Variants in HNRNPK observed in about 807,000 individuals in gnomAD.
HNRNPK encodes the protein heterogeneous nuclear ribonucleoprotein K.
A neutral mutation model predicts 67.0 loss-of-function variants in HNRNPK; 7 were observed. The observed-to-expected ratio is 0.10, with a 90% CI of 0.06 to 0.20. HNRNPK has a LOEUF of 0.20. Ranked by LOEUF, HNRNPK falls within the 10% of genes least tolerant of loss-of-function variation. The probability of loss-of-function intolerance (pLI) is 1.00; values close to 1 mark genes in which losing one functional copy is unlikely to be tolerated. For synonymous variants in HNRNPK, 213 were observed against 193.7 expected, an observed-to-expected ratio of 1.10 and a Z score of -0.83; for missense variants, 264 against 606.5, an observed-to-expected ratio of 0.44 and a Z score of 5.93.
chr9:83,973,543 T>C, intron 8 of HNRNPK, 144 bp from the exon 9 acceptor site: 1 of 617,332 alleles, frequency 1.6e-6, no homozygotes, highest in Non-Finnish European at 2.9e-6. Flanking sequence ...TATGTGCTTA[T>C]TATCCTCAAT....
chr9:83,968,148 C>A lies in HNRNPK; in HGVS notation c.*1259G>T, dbSNP rs1237297449. ...AACAAATTTTACAGGTGTCAATCAA[C>A]CCTTGTTCAAATCGGGCACACATCA... On this transcript the variant is annotated 3_prime_UTR_variant, in exon 17 of 17. Transcript: ENST00000376263. 2.6e-5 allele frequency: 4 copies of A among 152,556 alleles called. No homozygotes were observed. Among genetic ancestry groups the A allele is most frequent in the African/African-American group, 9.7e-5 (4 of 41,438 alleles). 9.5% of individuals were successfully genotyped at this position (152,556 alleles called of 1,614,324 possible). A position where few individuals can be genotyped will look rare whatever the true frequency, so the allele number is the denominator to read the frequency against.
At chr9:83,975,923 T>A (rs1173070228) in intron 5 of HNRNPK, 1 of 173,664 alleles carries the variant, frequency 5.8e-6, no homozygotes, top group Non-Finnish European at 1.3e-5. Flanking sequence ...CAAACGATGT[T>A]TCAGTAGCAG....
intron 3 of HNRNPK, 62 bp from the exon 4 acceptor site, chr9:83,977,848 G>T: frequency 9.8e-7 from 1 of 1,016,134 alleles, no homozygotes; most frequent in Non-Finnish European, 1.5e-6. Context: ...ACTCCATTCT[G>T]TTTCAAGAGA....
At position 83,971,321 on chromosome 9, in the gene HNRNPK, T is replaced by C; in HGVS notation, c.1044A>G (p.Ala348=). ...GFSADETWDS[A]IDTWSPSEWQ... is the part of the protein sequence containing the mutation. ...ATTCTGATGGGCTCCATGTATCTAT[T>C]GCAGAGTCCCAAGTTTCATCAGCAC... Residue 348 remains alanine, a synonymous_variant, in exon 13 of 17, where the codon GCA becomes GCG. Transcript: ENST00000376263. The C allele has an allele frequency of 6.2e-7, 1 of 1,612,820 alleles. No homozygotes were observed. The highest frequency in any genetic ancestry group is 8.5e-7 in the Non-Finnish European group (1 of 1,178,776).
Position 83,972,958 on chromosome 9 carries a change from G to A in HNRNPK, c.531C>T (p.Thr177=), listed in dbSNP as rs1233200744. 11 of 1,607,028 alleles carry A rather than the reference G, an allele frequency of 6.8e-6. No homozygotes were observed. Among genetic ancestry groups the A allele is most frequent in the East Asian group, 4.5e-5 (2 of 44,806 alleles). ...IKELRENTQT[T]IKLFQECCPH... is the part of the protein sequence containing the mutation. ...GACAGCATTCCTGGAAAAGCTTGAT[G>A]GTGGTTTGAGTGTTCTGTAGTAAGA... The change falls in exon 10 of 17, where the codon ACC becomes ACT. Residue 177 remains threonine (T), a synonymous_variant. Coordinates refer to ENST00000376263, the MANE Select transcript of HNRNPK (RefSeq NM_031263.4).
At chr9:83,972,237 T>TGC in intron 10 of HNRNPK, 48 bp from the exon 11 acceptor site, 1 of 1,361,498 alleles carries the variant, frequency 7.3e-7, no homozygotes, top group Non-Finnish European at 1.0e-6. Context: ...AAAAGAGTCC[T>TGC]GCTTCATACC....
At chr9:83,977,118 T>TA (rs1168805198) in intron 4 of HNRNPK, 67 bp from the exon 5 acceptor site, 1 of 1,116,240 alleles carries the variant, frequency 9.0e-7, no homozygotes, top group Non-Finnish European at 1.4e-6. Flanking sequence ...CCTACGCTCT[T>TA]AGATTTTGCT....
Position 83,969,305 on chromosome 9 carries a change from G to C in HNRNPK, c.*102C>G. ...AATGTTGGCTTTTTAAACAGAAGCA[G>C]ATAAAAAAAAAAAGATGCAGGACTC... On this transcript the variant is annotated 3_prime_UTR_variant, in exon 17 of 17. Transcript: ENST00000376263. 1.3e-6 allele frequency: 1 copy of C among 777,302 alleles called. No homozygotes were observed. The highest frequency in any genetic ancestry group is 2.3e-6 in the Non-Finnish European group (1 of 441,584). The allele number at this position is 777,302 out of a possible 1,614,324, so 48.2% of individuals were successfully genotyped here. A position where few individuals can be genotyped will look rare whatever the true frequency, so the allele number is the denominator to read the frequency against.
intron 5 of HNRNPK, chr9:83,976,766 CTT>C (rs1302062428): frequency 1.0e-5 from 4 of 383,186 alleles, no homozygotes; most frequent in African/African-American, 2.1e-5. Flanking sequence ...TTGGTGGACT[CTT>C]ATTAAAATGT....
At position 83,974,556 on chromosome 9, in the gene HNRNPK, A is replaced by G. The variant is rs1163996659; in HGVS notation, c.291T>C (p.Ile97=). The G allele has an allele frequency of 2.5e-6, 4 of 1,603,600 alleles. No individual in the cohort carries two copies. Among genetic ancestry groups the G allele is most frequent in the Non-Finnish European group, 3.4e-6 (4 of 1,173,492 alleles). ...ILSISADIET[I]GEILKKIIPT... ...GGATGATTTTCTTCAGAATTTCTCC[A>G]ATTGTTTCAATATCAGCACTGATAC... Residue 97 remains isoleucine (I), a synonymous_variant, in exon 7 of 17, where the codon ATT becomes ATC. Transcript: ENST00000376263.
Position 83,979,315 on chromosome 9 carries a change from A to T in HNRNPK, c.-108+838T>A, listed in dbSNP as rs369595918. Among the ~76,000 whole-genome samples, 10 of 152,310 alleles carry T rather than the reference A, an allele frequency of 6.6e-5. No homozygotes were observed. In the South Asian group the frequency reaches 2.1e-3, roughly 32 times the overall value. The stretch of plus-strand genomic sequence containing the variant: ...CTCTCCTAACGACAACTGAAACGAC[A>T]TCCTTCCGGCCCAGCACGCAATTTC... On this transcript the variant is annotated intron_variant, in intron 1 of 16. Transcript: ENST00000376263.
intron 6 of HNRNPK, 95 bp downstream of exon 6, chr9:83,975,367 T>TAA: frequency 2.7e-6 from 3 of 1,109,996 alleles, no homozygotes; most frequent in Non-Finnish European, 4.1e-6. Context: ...ATACACCGTC[T>TAA]AAAGGGGATA....
chr9:83,976,778 TGAA>T (rs1957083382), intron 5 of HNRNPK: 4 of 399,424 alleles, frequency 1.0e-5, no homozygotes, highest in Non-Finnish European at 1.3e-5. Flanking sequence ...TATTAAAATG[TGAA>T]GAGGTTTGAA....
rs1357961172 is a variant in HNRNPK, at chr9:83,974,596, A to C, written c.258-7T>G. 4.4e-6 allele frequency: 7 copies of C among 1,592,092 alleles called. No individual in the cohort carries two copies. The South Asian group carries it at 7.8e-5, about 18-fold the overall frequency. On this transcript the variant is annotated splice_region_variant and splice_polypyrimidine_tract_variant and intron_variant, in intron 6 of 16. Coordinates refer to ENST00000376263, the MANE Select transcript of HNRNPK (RefSeq NM_031263.4). Reference sequence around the variant, plus strand: ...AGCACTGATACTCAATATGCTGTCAAACACCACAAATACCAGATAGTACAA... The same window carrying C: ...AGCACTGATACTCAATATGCTGTCACACACCACAAATACCAGATAGTACAA...
chr9:83,976,846 T>C (rs1957087661), intron 5 of HNRNPK, 149 bp downstream of exon 5: 8 of 521,010 alleles, frequency 1.5e-5, no homozygotes, highest in Non-Finnish European at 2.0e-5. Context: ...CAGGAATGGA[T>C]AACTTCGAAA....
In HNRNPK at chr9:83,968,390, T is replaced by A. The variant is rs1015059208; in HGVS notation, c.*1017A>T. The A allele has an allele frequency of 6.6e-6, 1 of 152,508 alleles. No homozygotes were observed. Among genetic ancestry groups the A allele is most frequent in the East Asian group, 1.9e-4 (1 of 5,200 alleles). The allele number at this position is 152,508 out of a possible 1,614,324, so 9.4% of individuals were successfully genotyped here. On this transcript the variant is annotated 3_prime_UTR_variant, in exon 17 of 17. Transcript: ENST00000376263. ...AATGGAAAAACAAGTATATATATAT[T>A]TTACAAAGTTTAACTAATAAGACAC...
intron 5 of HNRNPK, chr9:83,975,753 A>G (rs1280025881): frequency 3.5e-6 from 2 of 569,686 alleles, no homozygotes; most frequent in East Asian, 2.9e-5. Context: ...GGGAAAAGCA[A>G]TAAATTTTAA....
At position 83,978,382 on chromosome 9, in the gene HNRNPK, T is replaced by C; in HGVS notation, c.-37A>G. The C allele has an allele frequency of 6.8e-7, 1 of 1,478,752 alleles. No homozygotes were observed. Among genetic ancestry groups the C allele is most frequent in the Non-Finnish European group, 8.9e-7 (1 of 1,122,450 alleles). The allele number at this position is 1,478,752 out of a possible 1,614,324, so 91.6% of individuals were successfully genotyped here. On this transcript the variant is annotated 5_prime_UTR_variant, in exon 2 of 17. In the 5' UTR this introduces an upstream ATG that the reference lacks. Transcript: ENST00000376263. ...TGCTTCTAGAACGTACCAGTTATTA[T>C]ATATCCTTGCAGAGCAGAACTGAAG...
intron 13 of HNRNPK, 149 bp downstream of exon 13, chr9:83,971,124 T>C: frequency 1.3e-6 from 1 of 764,538 alleles, no homozygotes; most frequent in East Asian, 2.5e-5. Context: ...TCAAGTATTT[T>C]AATCTCATAA....
Sources: allele counts gnomAD v4.1 joint callset (sites outside exome capture counted in the v4.1 genomes callset), GRCh38; gene constraint gnomAD v4.1.1; transcripts MANE v1.5; gene names NCBI Gene and HGNC (gene_info 2026-07-23, HGNC 2026-07-21).